Variants in HCN1 observed in about 807,000 individuals in gnomAD.
HCN1 encodes the protein potassium/sodium hyperpolarization-activated cyclic nucleotide-gated channel 1.
HCN1 carries 13 observed loss-of-function variants against 78.9 expected under a neutral mutation model. That is an observed-to-expected ratio of 0.16 (90% CI 0.11 to 0.26). HCN1 has a LOEUF of 0.26. HCN1 is among the 10% of genes least tolerant of loss of function. HCN1 has a pLI of 1.00. For missense variants in HCN1, 810 were observed against 1,154.3 expected, an observed-to-expected ratio of 0.70 and a Z score of 4.32; for synonymous variants, 552 against 455.5, an observed-to-expected ratio of 1.21 and a Z score of -2.70.
chr5:45,609,467 C>G (rs912419492), intron 2 of HCN1, among the ~76,000 whole-genome samples: 3 of 151,990 alleles, frequency 2.0e-5, no homozygotes, highest in Non-Finnish European at 2.9e-5. Flanking sequence ...AAAATACTGT[C>G]GATATGGTTG....
Position 45,467,646 on chromosome 5 carries a change from C to A in HCN1, c.850-5639G>T, listed in dbSNP as rs181451799. On this transcript the variant is annotated intron_variant, in intron 2 of 7. Transcript: ENST00000303230. ...GTTGAGGCCCTCAGCAATGGTCTAT[C>A]CATTTCCCTATTCCTAACAACAACC... is the stretch of plus-strand genomic sequence containing the variant. Among the ~76,000 whole-genome samples the A allele has an allele frequency of 2.6e-5, 4 of 152,218 alleles. No homozygotes were observed. The East Asian group carries it at 7.8e-4, about 30-fold the overall frequency.
At position 45,258,696 on chromosome 5, in the gene HCN1, A is replaced by G. The variant is rs1036943749; in HGVS notation, c.*3225T>C. ...TATTTATACAAACCTATTTTGTTAT[A>G]ATAGGGCCTTGGGCCTACTATACAA... On this transcript the variant is annotated 3_prime_UTR_variant, in exon 8 of 8. Transcript: ENST00000303230. The G allele has an allele frequency of 4.6e-5, 7 of 152,034 alleles. No individual in the cohort carries two copies. The highest frequency in any genetic ancestry group is 1.2e-4 in the African/African-American group (5 of 41,434). The allele number at this position is 152,034 out of a possible 1,614,324, so 9.4% of individuals were successfully genotyped here.
At chr5:45,427,544 A>G (rs148667204) in intron 3 of HCN1, among the ~76,000 whole-genome samples, 521 of 152,256 alleles carry the variant, frequency 3.4e-3, no homozygotes, top group African/African-American at 0.012. Flanking sequence ...TATCCTACAA[A>G]TTAACTTGCA....
chr5:45,613,102 C>A (rs1744873321), intron 2 of HCN1, among the ~76,000 whole-genome samples: 1 of 151,364 alleles, frequency 6.6e-6, no homozygotes, highest in South Asian at 2.1e-4. Flanking sequence ...GCACTGCACC[C>A]ACTAACTCGT....
chr5:45,332,924 T>C (rs1341437538), intron 5 of HCN1, among the ~76,000 whole-genome samples: 1 of 151,788 alleles, frequency 6.6e-6, no homozygotes, highest in African/African-American at 2.4e-5. Flanking sequence ...AAATTTTGGC[T>C]GTTGTGAACA....
chr5:45,318,268 C>T (rs774872351), intron 5 of HCN1, among the ~76,000 whole-genome samples: 36 of 152,078 alleles, frequency 2.4e-4, no homozygotes, highest in Non-Finnish European at 5.0e-4. Context: ...TTTGTAGGGA[C>T]ATGGATGAAG....
chr5:45,526,255 T>C (rs2111792410), intron 2 of HCN1, among the ~76,000 whole-genome samples: 1 of 152,212 alleles, frequency 6.6e-6, no homozygotes, highest in East Asian at 1.9e-4. Flanking sequence ...TTTCCCACTG[T>C]TGAGGTCATT....
At chr5:45,414,503 C>T (rs765995338) in intron 3 of HCN1, among the ~76,000 whole-genome samples, 7 of 152,008 alleles carry the variant, frequency 4.6e-5, no homozygotes, top group Non-Finnish European at 8.8e-5. Context: ...GCTGATAAAA[C>T]ATGTTTTCTC....
chr5:45,372,436 C>A (rs185405247), intron 4 of HCN1, among the ~76,000 whole-genome samples: 3,874 of 115,608 alleles, frequency 0.034, 254 homozygotes, highest in African/African-American at 0.12. Context: ...ATAATATATA[C>A]TTATATATAA....
chr5:45,692,692 C>T (rs1423393354), intron 1 of HCN1, among the ~76,000 whole-genome samples: 1 of 151,976 alleles, frequency 6.6e-6, no homozygotes, highest in African/African-American at 2.4e-5. Flanking sequence ...CAATAGCACT[C>T]TTGGGCTCTG....
chr5:45,533,315 A>T (rs1338112965), intron 2 of HCN1, among the ~76,000 whole-genome samples: 2 of 152,190 alleles, frequency 1.3e-5, no homozygotes, highest in Non-Finnish European at 2.9e-5. Context: ...TAAAAGCAAA[A>T]TCATCTAACT....
At chr5:45,313,280 C>G (rs1370820190) in intron 5 of HCN1, among the ~76,000 whole-genome samples, 1 of 152,136 alleles carries the variant, frequency 6.6e-6, no homozygotes, top group Admixed American at 6.6e-5. Context: ...CTCCAGCAAA[C>G]TCCAACAGAC....
chr5:45,458,944 C>CATAA (rs1423370239), intron 3 of HCN1, among the ~76,000 whole-genome samples: 1 of 152,048 alleles, frequency 6.6e-6, no homozygotes, highest in Non-Finnish European at 1.5e-5. Flanking sequence ...ACTCCTTGTG[C>CATAA]ATAAATATAC....
chr5:45,600,633 GA>G (rs2111963227), intron 2 of HCN1, among the ~76,000 whole-genome samples: 1 of 152,264 alleles, frequency 6.6e-6, no homozygotes, highest in African/African-American at 2.4e-5. Flanking sequence ...ACAGTTGGAG[GA>G]GACAAAAATG....
chr5:45,305,208 TC>T (rs1745701817), intron 5 of HCN1, among the ~76,000 whole-genome samples: 1 of 152,112 alleles, frequency 6.6e-6, no homozygotes, highest in Admixed American at 6.6e-5. Flanking sequence ...ACCCATCAAT[TC>T]CAAGACTGAG....
chr5:45,361,142 T>A (rs187454048), intron 4 of HCN1, among the ~76,000 whole-genome samples: 1 of 151,820 alleles, frequency 6.6e-6, no homozygotes, highest in African/African-American at 2.4e-5. Flanking sequence ...CCTCCAGGGT[T>A]CTAGCGATTC....
intron 1 of HCN1, among the ~76,000 whole-genome samples, chr5:45,689,043 C>A (rs1739858641): frequency 6.6e-6 from 1 of 151,890 alleles, no homozygotes; most frequent in Non-Finnish European, 1.5e-5. Flanking sequence ...CTTAGGATGA[C>A]AAAATATTCT....
chr5:45,662,989 G>C (rs1449973213), intron 1 of HCN1, among the ~76,000 whole-genome samples: 1 of 113,478 alleles, frequency 8.8e-6, no homozygotes, highest in Admixed American at 9.7e-5. Flanking sequence ...AAAAGAGCCC[G>C]CATCGCCAAG....
intron 4 of HCN1, among the ~76,000 whole-genome samples, chr5:45,360,310 T>A (rs1483678355): frequency 6.6e-6 from 1 of 151,968 alleles, no homozygotes; most frequent in East Asian, 1.9e-4. Context: ...ATATTTAAAA[T>A]TGTTTGCTCT....
Sources: gnomAD v4.1 joint callset for allele counts (sites outside exome capture counted in the v4.1 genomes callset) on GRCh38, gnomAD v4.1.1 for gene constraint, MANE v1.5 for transcripts, NCBI Gene and HGNC (gene_info 2026-07-23, HGNC 2026-07-21) for gene names.